Variants in FKBP15 observed in about 807,000 individuals in gnomAD.
FKBP15 encodes FK506-binding protein 15.
In FKBP15, 106 loss-of-function variants were observed where a neutral mutation model predicts 158.1. The observed-to-expected ratio is 0.67, with a 90% CI of 0.57 to 0.79. The LOEUF (loss-of-function observed/expected upper bound fraction) is 0.79. Ranked by LOEUF, FKBP15 falls within the 30% of genes least tolerant of loss-of-function variation. FKBP15 has a pLI of 0.00. For missense variants in FKBP15, 1,287 were observed against 1,479.1 expected (o/e 0.87, Z 2.13); for synonymous variants, 547 against 548.6 (o/e 1.00, Z 0.04).
intron 6 of FKBP15, among the ~76,000 whole-genome samples, chr9:113,201,394 A>T (rs1830788871): frequency 6.6e-6 from 1 of 152,220 alleles, no homozygotes; most frequent in Non-Finnish European, 1.5e-5. Context: ...CTAAATGCAC[A>T]ACATAAGGTA....
intron 11 of FKBP15, among the ~76,000 whole-genome samples, chr9:113,191,270 T>C (rs1830569400): frequency 6.6e-6 from 1 of 151,980 alleles, no homozygotes; most frequent in African/African-American, 2.4e-5. Flanking sequence ...TTTCCCAGAT[T>C]TAAGACGTCT....
At chr9:113,196,077 C>A (rs949191108) in intron 9 of FKBP15, among the ~76,000 whole-genome samples, 4 of 152,060 alleles carry the variant, frequency 2.6e-5, no homozygotes, top group Non-Finnish European at 5.9e-5. Flanking sequence ...CCACAATGTT[C>A]TGCAACTTGC....
intron 20 of FKBP15, among the ~76,000 whole-genome samples, chr9:113,176,985 T>C (rs1376446995): frequency 1.3e-5 from 2 of 152,170 alleles, no homozygotes; most frequent in African/African-American, 4.8e-5. Context: ...GCTCACTTCT[T>C]TCAACATCAC....
chr9:113,165,621 G>C lies in FKBP15; in HGVS notation c.*457C>G, dbSNP rs1467225036. Reference sequence around the variant, plus strand: ...AGAAGATACATGTCCCAGGACTATAGGCCAGGCTGTTGACTGCACTGGGAT... The same window carrying C: ...AGAAGATACATGTCCCAGGACTATACGCCAGGCTGTTGACTGCACTGGGAT... On this transcript the variant is annotated 3_prime_UTR_variant, in exon 28 of 28. Coordinates refer to ENST00000238256, the MANE Select transcript of FKBP15 (RefSeq NM_015258.2). 6.5e-6 allele frequency: 1 copy of C among 154,882 alleles called. No homozygotes were observed. The highest frequency in any genetic ancestry group is 1.4e-5 in the Non-Finnish European group (1 of 69,634). The allele number at this position is 154,882 out of a possible 1,614,324, so 9.6% of individuals were successfully genotyped here.
rs373020760 is a variant in FKBP15 at position 113,186,294 on chromosome 9, G to A, written c.1453C>T (p.Arg485Trp). Residue 485 changes from arginine to tryptophan, a missense_variant, in exon 15 of 28, where the codon CGG becomes TGG. By Grantham distance (101) the Arg-to-Trp change is moderately radical (BLOSUM62 -3). Transcript: ENST00000238256. ...GAGAGCGGTGCTGGGTACAAAGGCC[G>A]AACGGGCTGCAGCTGGGAGGTGACG... ...SAVTSQLQPV[R>W]PLYPAPLSQP... The A allele has an allele frequency of 4.5e-6, 7 of 1,570,828 alleles. No homozygotes were observed. The highest frequency in any genetic ancestry group is 2.3e-5 in the East Asian group (1 of 42,622).
chr9:113,196,380 ACTT>A (rs1564174213), intron 9 of FKBP15, among the ~76,000 whole-genome samples: 3 of 127,444 alleles, frequency 2.4e-5, no homozygotes, highest in Admixed American at 8.7e-5. Flanking sequence ...TGAAGAAGTG[ACTT>A]TTTTTTTTTT....
In FKBP15 at chr9:113,165,927, AG is replaced by A; in HGVS notation, c.*150del. The A allele has an allele frequency of 1.7e-6, 1 of 603,398 alleles. No homozygotes were observed. Among genetic ancestry groups the A allele is most frequent in the Non-Finnish European group, 2.9e-6 (1 of 345,702 alleles). The allele number at this position is 603,398 out of a possible 1,614,324, so 37.4% of individuals were successfully genotyped here. A position where few individuals can be genotyped will look rare whatever the true frequency, so the allele number is the denominator to read the frequency against. ...AGGTCTGGCGGGGGTGGGGCTCAGA[AG>A]GTGGCCAACCCACCCTCTGAGCCCA... On this transcript the variant is annotated 3_prime_UTR_variant, in exon 28 of 28. Coordinates refer to ENST00000238256, the MANE Select transcript of FKBP15 (RefSeq NM_015258.2).
intron 24 of FKBP15, 117 bp downstream of exon 24, chr9:113,171,464 C>G: frequency 7.7e-7 from 1 of 1,298,054 alleles, no homozygotes; most frequent in Non-Finnish European, 1.0e-6. Context: ...TTAAAGTCAT[C>G]AGACAAGTAA....
chr9:113,194,267 C>T (rs1016656836), intron 9 of FKBP15, 98 bp from the exon 10 acceptor site: 20 of 793,104 alleles, frequency 2.5e-5, no homozygotes, highest in Middle Eastern at 8.6e-4. Context: ...GGACTGTTGT[C>T]GGGTGGGGGT....
At chr9:113,178,922 A>T (rs1045148382) in intron 19 of FKBP15, 121 bp from the exon 20 acceptor site, 1 of 973,286 alleles carries the variant, frequency 1.0e-6, no homozygotes, top group Non-Finnish European at 1.5e-6. Context: ...GGCTGCCTTC[A>T]ACCTGCATTA....
Position 113,165,776 on chromosome 9 carries a change from T to G in FKBP15, c.*302A>C. The G allele has an allele frequency of 3.5e-6, 1 of 285,264 alleles. No individual in the cohort carries two copies. The highest frequency in any genetic ancestry group is 6.9e-6 in the Non-Finnish European group (1 of 143,958). The allele number at this position is 285,264 out of a possible 1,614,324, so 17.7% of individuals were successfully genotyped here. On this transcript the variant is annotated 3_prime_UTR_variant, in exon 28 of 28. Transcript: ENST00000238256. Reference sequence around the variant, plus strand: ...TCAGTCTGAGAGTTAATGAAGAGATTAAAAAGTCTGGCAGAGGACAGGACT... The same window carrying G: ...TCAGTCTGAGAGTTAATGAAGAGATGAAAAAGTCTGGCAGAGGACAGGACT...
chr9:113,192,060 G>A (rs1002757617), intron 11 of FKBP15, among the ~76,000 whole-genome samples: 3 of 151,254 alleles, frequency 2.0e-5, no homozygotes, highest in Non-Finnish European at 4.4e-5. Context: ...AAGAAAAATA[G>A]TTGGAGGCCA....
In FKBP15 at chr9:113,186,330, G is replaced by C; in HGVS notation, c.1417C>G (p.Gln473Glu). 1 of 1,568,040 alleles carries C rather than the reference G, an allele frequency of 6.4e-7. No homozygotes were observed. The highest frequency in any genetic ancestry group is 8.7e-7 in the Non-Finnish European group (1 of 1,155,670). The change falls in exon 15 of 28, where the codon CAG becomes GAG. Residue 473 changes from glutamine to glutamate, a missense_variant. By Grantham distance (29) the Gln-to-Glu change is conservative (BLOSUM62 2). Transcript: ENST00000238256. Reference sequence around the variant, plus strand: ...AGCTGGGAGGTGACGGCAGATGCCTGGGGATAAGCGTAGGCTTGCATACCT... The same window carrying C: ...AGCTGGGAGGTGACGGCAGATGCCTCGGGATAAGCGTAGGCTTGCATACCT... ...YAGMQAYAYPQASAVTSQLQP... is the reference protein window; with the variant it reads ...YAGMQAYAYPEASAVTSQLQP...
Position 113,211,592 on chromosome 9 carries a change from A to C in FKBP15, c.54T>G (p.Gly18=), listed in dbSNP as rs746246648. 19 of 1,588,724 alleles carry C rather than the reference A, an allele frequency of 1.2e-5. No homozygotes were observed. The highest frequency in any genetic ancestry group is 3.5e-5 in the Admixed American group (2 of 56,706). Residue 18 remains glycine (G), a splice_region_variant and synonymous_variant, in exon 2 of 28, where the codon GGT becomes GGG. Transcript: ENST00000238256. ...GTCCAAAAAGTGAGGCCAATCTGGC[A>C]CTGTTAGTAGAAAATGAAAAATGAA... The part of the protein sequence containing the change: ...DDTDFLSPSG[G]ARLASLFGLD...
chr9:113,188,975 GT>G (rs1240815822), intron 12 of FKBP15, among the ~76,000 whole-genome samples: 1 of 152,156 alleles, frequency 6.6e-6, no homozygotes, highest in African/African-American at 2.4e-5. Context: ...TTAACATGCT[GT>G]TTTTGGATAA....
chr9:113,202,562 G>T lies in FKBP15; in HGVS notation c.467C>A (p.Ser156Ter). 6.3e-7 allele frequency: 1 copy of T among 1,584,448 alleles called. No homozygotes were observed. The highest frequency in any genetic ancestry group is 1.2e-5 in the South Asian group (1 of 86,502). ...ATTGAACTCCACAGCAGCCTTTTCC[G>T]ACTCAAACATGATGGACCAGTTCTG... ...QRQNWSIMFE[S>*]EKAAVEFNKQ... Residue 156 changes from serine (S) to a stop codon, truncating the protein, a stop_gained, in exon 6 of 28, where the codon TCG (serine) becomes TAG (stop). Coordinates refer to ENST00000238256, the MANE Select transcript of FKBP15 (RefSeq NM_015258.2). LOFTEE classifies it high-confidence loss of function.
At position 113,202,906 on chromosome 9, in the gene FKBP15, T is replaced by C; in HGVS notation, c.399+55A>G. ...TCTATTAGGTACAATCAGACCAGTC[T>C]CTCCTGTAAACCTATCCCGAAGGAG... On this transcript the variant is annotated intron_variant, in intron 5 of 27. Transcript: ENST00000238256. 4.4e-6 allele frequency: 6 copies of C among 1,375,024 alleles called. No individual in the cohort carries two copies. The Middle Eastern group carries it at 8.9e-4, about 203-fold the overall frequency. 85.2% of individuals were successfully genotyped at this position (1,375,024 alleles called of 1,614,324 possible). A position where few individuals can be genotyped will look rare whatever the true frequency, so the allele number is the denominator to read the frequency against.
intron 15 of FKBP15, 136 bp downstream of exon 15, chr9:113,186,113 T>A: frequency 1.5e-6 from 1 of 645,252 alleles, no homozygotes; most frequent in Non-Finnish European, 2.7e-6. Context: ...GGAATACATA[T>A]TATATCTCAA....
At chr9:113,202,841 A>G in intron 5 of FKBP15, 120 bp downstream of exon 5, 1 of 854,938 alleles carries the variant, frequency 1.2e-6, no homozygotes, top group South Asian at 1.6e-5. Flanking sequence ...TCTGTTAGAT[A>G]CTCACAAGGA....
Sources: allele counts gnomAD v4.1 joint callset (sites outside exome capture counted in the v4.1 genomes callset), GRCh38; gene constraint gnomAD v4.1.1; transcripts MANE v1.5; gene names NCBI Gene and HGNC (gene_info 2026-07-23, HGNC 2026-07-21).